IGFBP5: variants seen among roughly 807,000 people sequenced by gnomAD.
IGFBP5 encodes insulin-like growth factor-binding protein 5.
IGFBP5 carries 12 observed loss-of-function variants against 28.0 expected under a neutral mutation model. The observed-to-expected ratio is 0.43, with a 90% CI of 0.27 to 0.69. The LOEUF (loss-of-function observed/expected upper bound fraction) is 0.69, where lower values mean the gene tolerates loss of function less well. IGFBP5 is among the 30% of genes least tolerant of loss of function. IGFBP5 has a pLI of 0.20. For missense variants in IGFBP5, 344 were observed against 381.6 expected, an observed-to-expected ratio of 0.90 and a Z score of 0.82; for synonymous variants, 152 against 150.2, an observed-to-expected ratio of 1.01 and a Z score of -0.09.
Position 216,694,998 on chromosome 2 carries a change from G to C in IGFBP5, c.-223C>G, listed in dbSNP as rs982021455. The C allele has an allele frequency of 2.6e-6, 1 of 382,970 alleles. No homozygotes were observed. The highest frequency in any genetic ancestry group is 2.1e-5 in the African/African-American group (1 of 48,278). 23.7% of individuals were successfully genotyped at this position (382,970 alleles called of 1,614,324 possible). ...TCCCAGTTGCAAGAATTAAAGCCTT[G>C]CAACAGGTTGGGGGAAGCAGGGCAG... On this transcript the variant is annotated 5_prime_UTR_variant, in exon 1 of 4. Coordinates refer to ENST00000233813, the MANE Select transcript of IGFBP5 (RefSeq NM_000599.4). This position sits in a 1 kb window ranked among gnomAD's most constrained non-coding sequence, Gnocchi z 5.2.
At position 216,694,645 on chromosome 2, in the gene IGFBP5, C is replaced by T; in HGVS notation, c.131G>A (p.Gly44Asp). 6.5e-7 allele frequency: 1 copy of T among 1,529,798 alleles called. No individual in the cohort carries two copies. The highest frequency in any genetic ancestry group is 8.8e-7 in the Non-Finnish European group (1 of 1,141,772). The allele number at this position is 1,529,798 out of a possible 1,614,324, so 94.8% of individuals were successfully genotyped here. The change falls in exon 1 of 4, where the codon GGC becomes GAC. Residue 44 changes from glycine (G) to aspartate (D), a missense_variant. By Grantham distance (94) the Gly-to-Asp change is moderately conservative. This residue lies in a region of IGFBP5 where 304 missense variants were observed against 329.2 expected (regional missense o/e 0.92). Coordinates refer to ENST00000233813, the MANE Select transcript of IGFBP5 (RefSeq NM_000599.4). The surrounding 1 kb of genome is among the most constrained non-coding windows in gnomAD (Gnocchi z 5.2). ...GCCCGGCTCCTTGACCAGCTCGCAG[C>T]CCAGGGGGCTGGGGGGGCACATGGA... ...ALSMCPPSPL[G>D]CELVKEPGCG...
rs1688873026 is a variant in IGFBP5 at position 216,674,581 on chromosome 2, T to G, written c.*2170A>C. 6.6e-6 allele frequency: 1 copy of G among 152,256 alleles called. No homozygotes were observed. The highest frequency in any genetic ancestry group is 2.4e-5 in the African/African-American group (1 of 41,462). 9.4% of individuals were successfully genotyped at this position (152,256 alleles called of 1,614,324 possible). On this transcript the variant is annotated 3_prime_UTR_variant, in exon 4 of 4. Transcript: ENST00000233813. The surrounding 1 kb of genome is among the most constrained non-coding windows in gnomAD (Gnocchi z 4.4). The stretch of plus-strand genomic sequence containing the variant: ...GCCATGAGCAAAGAGTGAAGAGAGC[T>G]GTGTCCACAGCACGAAGGGGTCTCC...
intron 1 of IGFBP5, among the ~76,000 whole-genome samples, chr2:216,684,308 C>T (rs1689011156): frequency 6.6e-6 from 1 of 152,186 alleles, no homozygotes; most frequent in Admixed American, 6.5e-5. Context: ...AATCTAAACC[C>T]CCCGCCCCCG....
chr2:216,688,612 C>T (rs1487897902), intron 1 of IGFBP5, among the ~76,000 whole-genome samples: 2 of 152,186 alleles, frequency 1.3e-5, no homozygotes, highest in East Asian at 1.9e-4. Flanking sequence ...AGTCCCAGTT[C>T]GGGATAACTG....
chr2:216,688,800 C>G (rs958920361), intron 1 of IGFBP5, among the ~76,000 whole-genome samples: 9 of 152,260 alleles, frequency 5.9e-5, no homozygotes, highest in African/African-American at 1.7e-4. Flanking sequence ...CCTGGCAGGT[C>G]TGACTTACCG....
In IGFBP5 at chr2:216,676,559, T is replaced by A. The variant is rs1336322884; in HGVS notation, c.*192A>T. The stretch of plus-strand genomic sequence containing the variant: ...GGGGGTGTCTTTTTAGCTTTTTGCA[T>A]CTCTGTTGTTGCCATTTTCGAAGTT... On this transcript the variant is annotated 3_prime_UTR_variant, in exon 4 of 4. Transcript: ENST00000233813. The A allele has an allele frequency of 2.3e-6, 1 of 431,500 alleles. No individual in the cohort carries two copies. Among genetic ancestry groups the A allele is most frequent in the Non-Finnish European group, 4.2e-6 (1 of 240,166 alleles). The allele number at this position is 431,500 out of a possible 1,614,324, so 26.7% of individuals were successfully genotyped here. A position where few individuals can be genotyped will look rare whatever the true frequency, so the allele number is the denominator to read the frequency against.
chr2:216,691,249 T>G (rs1347401983), intron 1 of IGFBP5, among the ~76,000 whole-genome samples: 1 of 152,176 alleles, frequency 6.6e-6, no homozygotes, highest in East Asian at 1.9e-4. Flanking sequence ...AGAAGCCTAT[T>G]TTTTGTCCCA....
intron 1 of IGFBP5, among the ~76,000 whole-genome samples, chr2:216,683,047 G>A (rs578237424): frequency 3.3e-5 from 5 of 152,108 alleles, no homozygotes; most frequent in Non-Finnish European, 5.9e-5. Flanking sequence ...AATTGAGAGC[G>A]GTGGCTCATA....
intron 2 of IGFBP5, among the ~76,000 whole-genome samples, chr2:216,678,480 C>T (rs1233624755): frequency 1.3e-5 from 2 of 152,232 alleles, no homozygotes; most frequent in African/African-American, 4.8e-5. Flanking sequence ...ACCCCCTCCC[C>T]TGCAGCTTTT....
At chr2:216,690,777 G>T in intron 1 of IGFBP5, among the ~76,000 whole-genome samples, 1 of 151,860 alleles carries the variant, frequency 6.6e-6, no homozygotes, top group African/African-American at 2.4e-5. Flanking sequence ...AGGAGGGAGG[G>T]GTGAGAAAGG....
Position 216,679,035 on chromosome 2 carries a change from C to A in IGFBP5, c.382G>T (p.Ala128Ser). Reference sequence around the variant, plus strand: ...ATCTTGGGGGAGTAGGTCTCCTCGGCCATCTCAGAGGTGGTGGGCTCCTCG... The same window carrying A: ...ATCTTGGGGGAGTAGGTCTCCTCGGACATCTCAGAGGTGGTGGGCTCCTCG... Reference protein sequence around the residue: ...EHEEPTTSEMAEETYSPKIFR... With the variant: ...EHEEPTTSEMSEETYSPKIFR... The change falls in exon 2 of 4, where the codon GCC becomes TCC. Residue 128 changes from alanine to serine, a missense_variant. This residue lies in a region of IGFBP5 where 304 missense variants were observed against 329.2 expected (regional missense o/e 0.92). Coordinates refer to ENST00000233813, the MANE Select transcript of IGFBP5 (RefSeq NM_000599.4). The surrounding 1 kb of genome is among the most constrained non-coding windows in gnomAD (Gnocchi z 4.6). 1 of 1,614,112 alleles carries A rather than the reference C, an allele frequency of 6.2e-7. No homozygotes were observed.
At chr2:216,687,889 C>T (rs1051672352) in intron 1 of IGFBP5, among the ~76,000 whole-genome samples, 12 of 152,086 alleles carry the variant, frequency 7.9e-5, no homozygotes, top group South Asian at 2.1e-4. Flanking sequence ...CTCCTGAGGC[C>T]CCGAAGAAGG....
intron 1 of IGFBP5, among the ~76,000 whole-genome samples, chr2:216,681,977 C>T (rs1688982517): frequency 1.3e-5 from 2 of 152,170 alleles, no homozygotes; most frequent in Non-Finnish European, 2.9e-5. Context: ...TCAAGTACTG[C>T]CCCGGGGCCA....
chr2:216,695,333 A>G lies in IGFBP5; in HGVS notation c.-558T>C, dbSNP rs1689155220. 6.6e-6 allele frequency: 1 copy of G among 152,134 alleles called. No individual in the cohort carries two copies. The highest frequency in any genetic ancestry group is 6.5e-5 in the Admixed American group (1 of 15,272). 9.4% of individuals were successfully genotyped at this position (152,134 alleles called of 1,614,324 possible). A position where few individuals can be genotyped will look rare whatever the true frequency, so the allele number is the denominator to read the frequency against. On this transcript the variant is annotated 5_prime_UTR_variant, in exon 1 of 4. Transcript: ENST00000233813. ...AGAAAATGTTGAAATCAAGAAATTA[A>G]AAAACAAAAACAAAAACAAAAAAAC...
At chr2:216,693,768 T>C (rs915413469) in intron 1 of IGFBP5, among the ~76,000 whole-genome samples, 6 of 152,128 alleles carry the variant, frequency 3.9e-5, no homozygotes, top group African/African-American at 1.4e-4. Flanking sequence ...AAATATGTTT[T>C]ACCATCTACC....
intron 1 of IGFBP5, among the ~76,000 whole-genome samples, chr2:216,690,174 T>C (rs1039552939): frequency 3.3e-5 from 5 of 152,228 alleles, no homozygotes; most frequent in Non-Finnish European, 4.4e-5. Context: ...TAACATGTCC[T>C]GATTGCAATT....
chr2:216,684,646 C>A (rs1574580534), intron 1 of IGFBP5, among the ~76,000 whole-genome samples: 1 of 152,186 alleles, frequency 6.6e-6, no homozygotes, highest in South Asian at 2.1e-4. Flanking sequence ...TCTAGTCCCC[C>A]CTGTGGAATT....
intron 1 of IGFBP5, among the ~76,000 whole-genome samples, chr2:216,683,392 T>C (rs1689002114): frequency 6.6e-6 from 1 of 152,118 alleles, no homozygotes; most frequent in African/African-American, 2.4e-5. Context: ...AAAATAAATC[T>C]GGAATTTGGG....
intron 1 of IGFBP5, among the ~76,000 whole-genome samples, chr2:216,686,429 G>A (rs1446488575): frequency 1.3e-5 from 2 of 151,956 alleles, no homozygotes; most frequent in East Asian, 3.9e-4. Context: ...ATGCAGCTTT[G>A]GCAACACAGC....
Sources: allele counts gnomAD v4.1 joint callset (sites outside exome capture counted in the v4.1 genomes callset), GRCh38; gene constraint gnomAD v4.1.1; regional missense constraint gnomAD v4.1.1; non-coding constraint Gnocchi (gnomAD v3.1); transcripts MANE v1.5; gene names NCBI Gene and HGNC (gene_info 2026-07-23, HGNC 2026-07-21).